The following ZSWIM6 variants were observed in gnomAD, a reference collection of about 807,000 sequenced individuals.
ZSWIM6 encodes the protein zinc finger SWIM-type containing 6, also known as zinc finger SWIM domain-containing protein 6.
In ZSWIM6, 9 loss-of-function variants were observed where a neutral mutation model predicts 113.2. The observed-to-expected ratio is 0.08, with a 90% CI of 0.05 to 0.14. ZSWIM6 has a LOEUF of 0.14. Among genes scored for constraint, ZSWIM6 ranks in the 10% least tolerant of loss-of-function variants. The probability of loss-of-function intolerance (pLI) is 1.00; values close to 1 mark genes in which losing one functional copy is unlikely to be tolerated. For synonymous variants in ZSWIM6, 611 were observed against 606.5 expected (o/e 1.01, Z -0.11); for missense variants, 1,162 against 1,552.2 (o/e 0.75, Z 4.22).
At chr5:61,509,826 CTTGTT>C (rs1381673856) in intron 4 of ZSWIM6, among the ~76,000 whole-genome samples, 4 of 151,990 alleles carry the variant, frequency 2.6e-5, no homozygotes, top group Non-Finnish European at 5.9e-5. Context: ...AATATGTTGT[CTTGTT>C]TTATTTTATT....
At chr5:61,353,322 T>A (rs780638952) in intron 1 of ZSWIM6, among the ~76,000 whole-genome samples, 1 of 152,198 alleles carries the variant, frequency 6.6e-6, no homozygotes, top group Non-Finnish European at 1.5e-5. Context: ...GATTTCTAGC[T>A]CTCATAACAA....
intron 12 of ZSWIM6, 80 bp from the exon 13 acceptor site, chr5:61,541,804 G>A: frequency 8.6e-7 from 1 of 1,160,208 alleles, no homozygotes; most frequent in Non-Finnish European, 1.3e-6. Flanking sequence ...TGCCTTATAT[G>A]CCTTATAGTT....
rs1412183323 is a variant in ZSWIM6, at chr5:61,543,563, G to C, written c.2894G>C (p.Arg965Pro). Residue 965 changes from arginine (R) to proline (P), a missense_variant, in exon 14 of 14, where the codon CGC becomes CCC. By Grantham distance (103) the Arg-to-Pro change is moderately radical (BLOSUM62 -2). Around this residue, in one of 4 missense-constraint regions of ZSWIM6, gnomAD observed 620 missense variants for 804.6 expected, o/e 0.77. Transcript: ENST00000252744. This position sits in a 1 kb window ranked among gnomAD's most constrained non-coding sequence, Gnocchi z 4.3. ...TTVMSNSTIVRLHLDCHQQEK... is the reference protein window; with the variant it reads ...TTVMSNSTIVPLHLDCHQQEK... ...GTGATGTCCAACAGCACCATCGTCC[G>C]CCTCCACCTGGACTGCCACCAGCAG... 6.4e-7 allele frequency: 1 copy of C among 1,551,394 alleles called. No homozygotes were observed. The highest frequency in any genetic ancestry group is 8.7e-7 in the Non-Finnish European group (1 of 1,147,014).
chr5:61,373,264 A>G (rs1745303474), intron 1 of ZSWIM6, among the ~76,000 whole-genome samples: 1 of 151,800 alleles, frequency 6.6e-6, no homozygotes, highest in Admixed American at 6.6e-5. Context: ...ACATTTAAGT[A>G]CTGATTTATT....
At chr5:61,457,852 T>A (rs530296851) in intron 1 of ZSWIM6, among the ~76,000 whole-genome samples, 5 of 152,278 alleles carry the variant, frequency 3.3e-5, no homozygotes, top group Admixed American at 6.5e-5. Context: ...TATCTGATGA[T>A]ACTGAAGTAC....
At position 61,544,589 on chromosome 5, in the gene ZSWIM6, T is replaced by C. The variant is rs1749838309; in HGVS notation, c.*272T>C. ...AGAGAGAGGTTAAAAAGGTTTGGTT[T>C]ACACTGAGTATATGTTGTCAAGTGG... On this transcript the variant is annotated 3_prime_UTR_variant, in exon 14 of 14. Coordinates refer to ENST00000252744, the MANE Select transcript of ZSWIM6 (RefSeq NM_020928.2). 5.6e-6 allele frequency: 1 copy of C among 179,004 alleles called. No homozygotes were observed. Among genetic ancestry groups the C allele is most frequent in the Non-Finnish European group, 1.2e-5 (1 of 85,692 alleles). 11.1% of individuals were successfully genotyped at this position (179,004 alleles called of 1,614,324 possible).
chr5:61,535,491 A>G lies in ZSWIM6; in HGVS notation c.2253A>G (p.Pro751=). The stretch of plus-strand genomic sequence containing the variant: ...TATGCTCTCTTCCCACAGCCGGACC[A>G]TATAGTGGTTTAGGTGAAATAATCC... ...KQAVFLLEAG[P]YSGLGEIIHR... is the part of the protein sequence containing the mutation. The change falls in exon 10 of 14, where the codon CCA becomes CCG. Residue 751 remains proline (P), a synonymous_variant. Coordinates refer to ENST00000252744, the MANE Select transcript of ZSWIM6 (RefSeq NM_020928.2). 1.3e-6 allele frequency: 2 copies of G among 1,551,354 alleles called. No homozygotes were observed. The highest frequency in any genetic ancestry group is 1.7e-6 in the Non-Finnish European group (2 of 1,146,688).
intron 1 of ZSWIM6, among the ~76,000 whole-genome samples, chr5:61,411,800 T>G (rs868045146): frequency 2.0e-5 from 3 of 152,146 alleles, no homozygotes; most frequent in Admixed American, 6.5e-5. Context: ...CTAATCCCAT[T>G]CATGAGGGCT....
At chr5:61,424,791 G>T (rs949204104) in intron 1 of ZSWIM6, among the ~76,000 whole-genome samples, 7 of 148,980 alleles carry the variant, frequency 4.7e-5, no homozygotes, top group Non-Finnish European at 1.0e-4. Flanking sequence ...GCAGTGGTGC[G>T]ATCTCGGCTC....
At chr5:61,484,305 A>T (rs574746611) in intron 2 of ZSWIM6, among the ~76,000 whole-genome samples, 6 of 152,280 alleles carry the variant, frequency 3.9e-5, no homozygotes, top group South Asian at 2.1e-4. Context: ...AGAACAACTT[A>T]AAAAAATGAC....
intron 1 of ZSWIM6, among the ~76,000 whole-genome samples, chr5:61,436,579 C>T (rs1746712552): frequency 3.3e-5 from 5 of 152,172 alleles, no homozygotes; most frequent in Admixed American, 3.3e-4. Flanking sequence ...TATGAGATTA[C>T]TTACTTCTAG....
At chr5:61,333,078 G>A in intron 1 of ZSWIM6, 130 bp downstream of exon 1, 5 of 969,470 alleles carry the variant, frequency 5.2e-6, no homozygotes, top group Non-Finnish European at 6.3e-6. Flanking sequence ...TGTCCTCACT[G>A]GCCCGGACGG....
intron 1 of ZSWIM6, among the ~76,000 whole-genome samples, chr5:61,404,986 G>A (rs1746017198): frequency 6.6e-6 from 1 of 152,160 alleles, no homozygotes; most frequent in African/African-American, 2.4e-5. Flanking sequence ...TAAGTTATAG[G>A]AGTCAATACC....
intron 4 of ZSWIM6, among the ~76,000 whole-genome samples, chr5:61,512,032 G>T (rs914484575): frequency 6.6e-6 from 1 of 152,020 alleles, no homozygotes. Flanking sequence ...AAATTTTTTA[G>T]TGTACAGTTT....
intron 2 of ZSWIM6, among the ~76,000 whole-genome samples, chr5:61,477,774 A>G (rs1277925024): frequency 6.6e-6 from 1 of 152,246 alleles, no homozygotes; most frequent in African/African-American, 2.4e-5. Context: ...TCAGGCTGAA[A>G]CTGTGGCCTC....
intron 1 of ZSWIM6, among the ~76,000 whole-genome samples, chr5:61,400,143 T>C (rs1745916464): frequency 6.6e-6 from 1 of 152,200 alleles, no homozygotes; most frequent in Non-Finnish European, 1.5e-5. Context: ...GTTTTCAAGG[T>C]AGTTTTGAGC....
chr5:61,453,409 T>C (rs570014174), intron 1 of ZSWIM6, among the ~76,000 whole-genome samples: 161 of 149,182 alleles, frequency 1.1e-3, no homozygotes, highest in Admixed American at 2.3e-3. Context: ...AGGGTCTTAC[T>C]CTGTCACCTA....
chr5:61,333,931 C>A (rs1744327781), intron 1 of ZSWIM6, among the ~76,000 whole-genome samples: 1 of 152,088 alleles, frequency 6.6e-6, no homozygotes, highest in African/African-American at 2.4e-5. Context: ...GAGCGCGAGG[C>A]AGAGGGCTCG....
chr5:61,363,820 GT>G (rs1266705814), intron 1 of ZSWIM6, among the ~76,000 whole-genome samples: 1 of 151,746 alleles, frequency 6.6e-6, no homozygotes, highest in Non-Finnish European at 1.5e-5. Flanking sequence ...AGGATAGTTT[GT>G]TTCCTTCCTT....
Sources: gnomAD v4.1 joint callset for allele counts (sites outside exome capture counted in the v4.1 genomes callset) on GRCh38, gnomAD v4.1.1 for gene constraint, gnomAD v4.1.1 regional missense constraint, Gnocchi (gnomAD v3.1) non-coding constraint, MANE v1.5 for transcripts, NCBI Gene and HGNC (gene_info 2026-07-23, HGNC 2026-07-21) for gene names.